The following MTMR10 variants were observed in gnomAD, a reference collection of about 807,000 sequenced individuals.
The protein encoded by MTMR10 is myotubularin-related protein 10.
MTMR10 carries 56 observed loss-of-function variants against 88.1 expected under a neutral mutation model. That is an observed-to-expected ratio of 0.64 (90% CI 0.51 to 0.79). The LOEUF (loss-of-function observed/expected upper bound fraction) is 0.79. MTMR10 is among the 30% of genes least tolerant of loss of function. The pLI is 0.00. For synonymous variants in MTMR10, 380 were observed against 340.9 expected (o/e 1.11, Z -1.26); for missense variants, 883 against 924.7 (o/e 0.95, Z 0.58).
intron 13 of MTMR10, among the ~76,000 whole-genome samples, chr15:30,947,551 G>C (rs954979371): frequency 6.6e-6 from 1 of 152,174 alleles, no homozygotes; most frequent in Non-Finnish European, 1.5e-5. Flanking sequence ...ACAGTTGAGC[G>C]GGTTGCCACT....
At chr15:30,962,117 T>G (rs1286250464) in intron 6 of MTMR10, among the ~76,000 whole-genome samples, 6 of 152,212 alleles carry the variant, frequency 3.9e-5, no homozygotes, top group Non-Finnish European at 8.8e-5. Context: ...GAGTGCTGTT[T>G]CCACATGAAG....
At position 30,948,393 on chromosome 15, in the gene MTMR10, G is replaced by A. The variant is rs778169587; in HGVS notation, c.1286C>T (p.Thr429Ile). The change falls in exon 13 of 16, where the codon ACT becomes ATT. Residue 429 changes from threonine (T) to isoleucine (I), a missense_variant. Physicochemically the swap from Thr to Ile is moderately conservative, Grantham distance 89. Transcript: ENST00000435680. ...CTTCTGTATCAGACTCTGAAATCCA[G>A]TAATTGTCCTAAAATAGGGATCCAG... Reference protein sequence around the residue: ...VMLDPYFRTITGFQSLIQKEW... With the variant: ...VMLDPYFRTIIGFQSLIQKEW... 5.0e-6 allele frequency: 8 copies of A among 1,613,520 alleles called. No homozygotes were observed. The South Asian group carries it at 7.7e-5, about 16-fold the overall frequency.
chr15:30,950,518 A>G (rs936732593), intron 12 of MTMR10, among the ~76,000 whole-genome samples: 21 of 152,054 alleles, frequency 1.4e-4, no homozygotes, highest in Non-Finnish European at 2.8e-4. Context: ...AAAAATACAA[A>G]AATTAGCCGG....
In MTMR10 at chr15:30,974,919, A is replaced by G. The variant is rs1410746406; in HGVS notation, c.331+12T>C. On this transcript the variant is annotated intron_variant, in intron 4 of 15. Coordinates refer to ENST00000435680, the MANE Select transcript of MTMR10 (RefSeq NM_017762.3). ...GAATTGACTTTTAGAGTATGTACGG[A>G]ATACTACGTACCTGTGACAATTTGC... The G allele has an allele frequency of 6.6e-7, 1 of 1,513,720 alleles. No homozygotes were observed. Among genetic ancestry groups the G allele is most frequent in the Admixed American group, 2.1e-5 (1 of 48,348 alleles). The allele number at this position is 1,513,720 out of a possible 1,614,324, so 93.8% of individuals were successfully genotyped here.
At chr15:30,946,585 A>G (rs1429132388) in intron 14 of MTMR10, 7 of 606,470 alleles carry the variant, frequency 1.2e-5, no homozygotes, top group African/African-American at 1.9e-5. Context: ...GTTTCTCTCA[A>G]TGGTCTCCAC....
chr15:30,965,173 C>T (rs963104098), intron 6 of MTMR10, among the ~76,000 whole-genome samples: 1 of 152,200 alleles, frequency 6.6e-6, no homozygotes, highest in African/African-American at 2.4e-5. Context: ...TCATTTATAG[C>T]TATTCTGAGA....
chr15:30,923,428 G>A, the MTMR10 span, among the ~76,000 whole-genome samples: 2 of 152,194 alleles, frequency 1.3e-5, no homozygotes, highest in Non-Finnish European at 2.9e-5. Flanking sequence ...TTCTGCTAGG[G>A]GGTAGACAAG....
intron 1 of MTMR10, 34 bp downstream of exon 1, chr15:30,991,413 G>T (rs779096145): frequency 1.7e-5 from 25 of 1,460,726 alleles, no homozygotes; most frequent in Non-Finnish European, 2.2e-5. Context: ...AAGCGCAGAG[G>T]AGAGTCGGGC....
chr15:30,982,721 T>C (rs556655164), intron 2 of MTMR10, among the ~76,000 whole-genome samples: 1 of 152,350 alleles, frequency 6.6e-6, no homozygotes, highest in African/African-American at 2.4e-5. Context: ...ACATGAGTTT[T>C]ATTTGATAAT....
At chr15:30,981,797 C>G (rs1325681603) in intron 2 of MTMR10, among the ~76,000 whole-genome samples, 1 of 152,104 alleles carries the variant, frequency 6.6e-6, no homozygotes, top group Admixed American at 6.5e-5. Context: ...AAATAAAAAT[C>G]TCATTCTCAT....
At chr15:30,961,362 T>C (rs2063399850) in intron 6 of MTMR10, among the ~76,000 whole-genome samples, 1 of 152,032 alleles carries the variant, frequency 6.6e-6, no homozygotes, top group Non-Finnish European at 1.5e-5. Flanking sequence ...GCCTCTTGAG[T>C]AGCTGGGATT....
chr15:30,939,225 AG>A lies in MTMR10; in HGVS notation c.*2244del. 1.0e-6 allele frequency: 1 copy of A among 985,474 alleles called. No homozygotes were observed. Among genetic ancestry groups the A allele is most frequent in the Non-Finnish European group, 1.2e-6 (1 of 829,922 alleles). The allele number at this position is 985,474 out of a possible 1,614,324, so 61.0% of individuals were successfully genotyped here. The stretch of plus-strand genomic sequence containing the variant: ...GTTAGCTATTTTTGGTTTCAAAATC[AG>A]TTTCCATCATAAAATAACAGCAAGA... On this transcript the variant is annotated 3_prime_UTR_variant, in exon 16 of 16. Transcript: ENST00000435680.
the MTMR10 span, among the ~76,000 whole-genome samples, chr15:30,919,471 A>C: frequency 6.6e-6 from 1 of 151,722 alleles, no homozygotes; most frequent in African/African-American, 2.4e-5. Flanking sequence ...TGAGTGGATC[A>C]CTTGAGGTCA....
At chr15:30,978,722 A>C (rs2030340464) in intron 2 of MTMR10, among the ~76,000 whole-genome samples, 1 of 152,204 alleles carries the variant, frequency 6.6e-6, no homozygotes, top group East Asian at 1.9e-4. Flanking sequence ...TAAGATCTTA[A>C]AAAGAAGTAG....
the MTMR10 span, chr15:30,928,694 G>A: frequency 3.1e-6 from 5 of 1,612,664 alleles, no homozygotes; most frequent in African/African-American, 4.0e-5. Context: ...AGGTCCTTCT[G>A]CACACATCCG....
At position 30,940,111 on chromosome 15, in the gene MTMR10, A is replaced by T. The variant is rs922910894; in HGVS notation, c.*1359T>A. On this transcript the variant is annotated 3_prime_UTR_variant, in exon 16 of 16. Coordinates refer to ENST00000435680, the MANE Select transcript of MTMR10 (RefSeq NM_017762.3). ...AGACACTTTACTATAAAAATTTTCC[A>T]TATCTTAGGATGGCAGTTTAAGAAA... 8.1e-6 allele frequency: 8 copies of T among 985,218 alleles called. No individual in the cohort carries two copies. Among genetic ancestry groups the T allele is most frequent in the South Asian group, 4.7e-5 (1 of 21,288 alleles). 61.0% of individuals were successfully genotyped at this position (985,218 alleles called of 1,614,324 possible). A position where few individuals can be genotyped will look rare whatever the true frequency, so the allele number is the denominator to read the frequency against.
intron 9 of MTMR10, among the ~76,000 whole-genome samples, chr15:30,955,704 T>C (rs985471100): frequency 1.3e-5 from 2 of 152,208 alleles, no homozygotes; most frequent in East Asian, 3.8e-4. Flanking sequence ...CCCACATCTT[T>C]CCACATGATG....
rs2063105395 is a variant in MTMR10, at chr15:30,943,044, A to C, written c.1577T>G (p.Leu526Trp). 22 of 1,538,208 alleles carry C rather than the reference A, an allele frequency of 1.4e-5. No homozygotes were observed. The highest frequency in any genetic ancestry group is 1.8e-5 in the Non-Finnish European group (21 of 1,143,666). The change falls in exon 15 of 16, where the codon TTG becomes TGG. Residue 526 changes from leucine (L) to tryptophan (W), a missense_variant. Transcript: ENST00000435680. ...GAATTTTAAGCCCTTCTCATCACCC[A>C]ATTGGATGTTTTTGCTTATAGCAAA... is the stretch of plus-strand genomic sequence containing the variant. The part of the protein sequence containing the change: ...TEFAISKNIQ[L>W]GDEKGLKFPS...
chr15:30,989,583 C>T (rs1275830645), intron 2 of MTMR10, among the ~76,000 whole-genome samples: 3 of 145,110 alleles, frequency 2.1e-5, no homozygotes, highest in African/African-American at 7.6e-5. Flanking sequence ...TATTTGATTT[C>T]AGGTTTTTTT....
Sources: allele counts gnomAD v4.1 joint callset (sites outside exome capture counted in the v4.1 genomes callset), GRCh38; gene constraint gnomAD v4.1.1; transcripts MANE v1.5; gene names NCBI Gene and HGNC (gene_info 2026-07-23, HGNC 2026-07-21).